The following RNF150 variants were observed in gnomAD, a reference collection of about 807,000 sequenced individuals.
The protein encoded by RNF150 is ring finger protein 150.
Under a neutral mutation model 39.3 loss-of-function variants are expected in RNF150, and 24 were observed. The ratio of observed to expected loss-of-function variants is 0.61; its 90% CI spans 0.44 to 0.86. The LOEUF (loss-of-function observed/expected upper bound fraction) is 0.86, where lower values mean the gene tolerates loss of function less well. Among genes scored for constraint, RNF150 ranks in the 40% least tolerant of loss-of-function variants. RNF150 has a pLI of 0.00. For missense variants in RNF150, 502 were observed against 587.8 expected (o/e 0.85, Z 1.51); for synonymous variants, 255 against 227.3 (o/e 1.12, Z -1.10).
chr4:140,985,801 G>C (rs1238774034), intron 1 of RNF150, among the ~76,000 whole-genome samples: 1 of 151,892 alleles, frequency 6.6e-6, no homozygotes, highest in African/African-American at 2.4e-5. Flanking sequence ...TTTTAATTTT[G>C]CTTGCTTCTA....
At chr4:141,183,505 T>C (rs762549079) in intron 1 of RNF150, among the ~76,000 whole-genome samples, 6 of 152,098 alleles carry the variant, frequency 3.9e-5, no homozygotes, top group Middle Eastern at 3.4e-3. Context: ...TTTTAAAATG[T>C]CCTCAAGATT....
At chr4:141,061,347 A>G (rs781086150) in intron 1 of RNF150, among the ~76,000 whole-genome samples, 1 of 152,150 alleles carries the variant, frequency 6.6e-6, no homozygotes, top group Admixed American at 6.6e-5. Flanking sequence ...ATTTGTTCAC[A>G]CATTGGAGAT....
intron 1 of RNF150, among the ~76,000 whole-genome samples, chr4:141,156,734 TAAAAAAAA>T (rs3081645): frequency 3.0e-4 from 29 of 96,630 alleles, no homozygotes; most frequent in African/African-American, 1.2e-3. Flanking sequence ...TCTCTACTAC[TAAAAAAAA>T]AAAAAAAAAA....
chr4:140,975,685 T>C (rs1248806460), intron 1 of RNF150, among the ~76,000 whole-genome samples: 3 of 152,208 alleles, frequency 2.0e-5, no homozygotes, highest in Admixed American at 2.0e-4. Context: ...TGATCCTATT[T>C]TCTGGGGAAA....
chr4:140,986,628 A>C (rs1212613985), intron 1 of RNF150, among the ~76,000 whole-genome samples: 1 of 152,044 alleles, frequency 6.6e-6, no homozygotes, highest in Non-Finnish European at 1.5e-5. Flanking sequence ...CTGTCATGGT[A>C]GATGAAGACT....
chr4:140,901,458 C>T (rs982504932), intron 6 of RNF150, among the ~76,000 whole-genome samples: 2 of 152,134 alleles, frequency 1.3e-5, no homozygotes, highest in African/African-American at 4.8e-5. Context: ...TTTGTTAGTG[C>T]CTTGGTCCAG....
At chr4:141,054,415 A>G (rs1442546286) in intron 1 of RNF150, among the ~76,000 whole-genome samples, 1 of 152,122 alleles carries the variant, frequency 6.6e-6, no homozygotes, top group Non-Finnish European at 1.5e-5. Context: ...TTAACTTTTT[A>G]TTCTCCCTTA....
intron 1 of RNF150, among the ~76,000 whole-genome samples, chr4:141,093,282 C>T (rs4956506): frequency 0.22 from 33,260 of 149,958 alleles, 3,779 homozygotes; most frequent in Middle Eastern, 0.31. Context: ...AGGAGAATGG[C>T]GTGAACCTGG....
At chr4:141,032,421 T>C (rs916986745) in intron 1 of RNF150, among the ~76,000 whole-genome samples, 1 of 152,116 alleles carries the variant, frequency 6.6e-6, no homozygotes, top group African/African-American at 2.4e-5. Context: ...GCTAAGAGTA[T>C]AGACTTTAAA....
At chr4:141,168,325 G>C (rs1446765175) in intron 1 of RNF150, among the ~76,000 whole-genome samples, 1 of 152,164 alleles carries the variant, frequency 6.6e-6, no homozygotes. Flanking sequence ...GGAGAAATAG[G>C]AACGCTTTTA....
chr4:141,063,278 C>A (rs1324096018), intron 1 of RNF150, among the ~76,000 whole-genome samples: 1 of 152,158 alleles, frequency 6.6e-6, no homozygotes, highest in Non-Finnish European at 1.5e-5. Flanking sequence ...CAGATGTTAT[C>A]TCAATGATAT....
intron 1 of RNF150, among the ~76,000 whole-genome samples, chr4:141,011,133 G>A (rs1381516336): frequency 2.0e-5 from 3 of 151,750 alleles, no homozygotes; most frequent in Non-Finnish European, 2.9e-5. Context: ...TTAAAGTATT[G>A]GCTATAATAC....
intron 1 of RNF150, among the ~76,000 whole-genome samples, chr4:141,034,782 C>A (rs967058437): frequency 6.6e-6 from 1 of 152,050 alleles, no homozygotes; most frequent in Non-Finnish European, 1.5e-5. Flanking sequence ...ACAACATTTA[C>A]CAATTAAGTT....
chr4:141,103,042 C>T (rs1739069921), intron 1 of RNF150, among the ~76,000 whole-genome samples: 1 of 152,152 alleles, frequency 6.6e-6, no homozygotes, highest in Admixed American at 6.5e-5. Context: ...CTTTGACTCA[C>T]CATCCCCTGT....
rs148165023 is a variant in RNF150, at chr4:140,954,991, C to T, written c.736-5619G>A. ...TGATCATGTTCATTGTCATCATCAC[C>T]AAATGGAAAGATAACTAAGTGTTCT... On this transcript the variant is annotated intron_variant, in intron 2 of 6. Coordinates refer to ENST00000515673, the MANE Select transcript of RNF150 (RefSeq NM_020724.2). 1.7e-4 allele frequency among the ~76,000 whole-genome samples: 26 copies of T among 152,196 alleles called. No homozygotes were observed. In the East Asian group the frequency reaches 4.8e-3, roughly 28 times the overall value.
intron 6 of RNF150, among the ~76,000 whole-genome samples, chr4:140,875,786 T>C (rs1182842662): frequency 6.6e-6 from 1 of 152,192 alleles, no homozygotes; most frequent in African/African-American, 2.4e-5. Context: ...CTTGACATGA[T>C]AGTTTTCACA....
rs1308327420 is a variant in RNF150, at chr4:140,953,945, C to A, written c.736-4573G>T. On this transcript the variant is annotated intron_variant, in intron 2 of 6. Transcript: ENST00000515673. ...CGAAGAGGGAAGGAAAACTACAGGC[C>A]CTGCTCAAACTAAGTCTTGTACCCA... Among the ~76,000 whole-genome samples, 3 of 152,042 alleles carry A rather than the reference C, an allele frequency of 2.0e-5. No individual in the cohort carries two copies. The East Asian group carries it at 5.8e-4, about 29-fold the overall frequency.
chr4:140,968,426 T>C (rs1046296354), intron 1 of RNF150, among the ~76,000 whole-genome samples: 1 of 151,904 alleles, frequency 6.6e-6, no homozygotes, highest in African/African-American at 2.4e-5. Context: ...AAAAAGAACA[T>C]TAAGAAGCTC....
At chr4:141,023,775 T>A (rs903980765) in intron 1 of RNF150, among the ~76,000 whole-genome samples, 12 of 152,196 alleles carry the variant, frequency 7.9e-5, no homozygotes, top group Non-Finnish European at 1.5e-5. Flanking sequence ...CTGGACAAAC[T>A]GAACAATAAC....
Sources: allele counts gnomAD v4.1 joint callset (sites outside exome capture counted in the v4.1 genomes callset), GRCh38; gene constraint gnomAD v4.1.1; transcripts MANE v1.5; gene names NCBI Gene and HGNC (gene_info 2026-07-23, HGNC 2026-07-21).